PTPRZ1: variants seen among roughly 807,000 people sequenced by gnomAD.
The protein encoded by PTPRZ1 is protein tyrosine phosphatase receptor type Z1.
PTPRZ1 carries 82 observed loss-of-function variants against 214.1 expected under a neutral mutation model. That is an observed-to-expected ratio of 0.38 (90% confidence interval 0.32 to 0.46). The LOEUF is 0.46. Ranked by LOEUF, PTPRZ1 falls within the 20% of genes least tolerant of loss-of-function variation. The pLI is 1.00. For missense variants in PTPRZ1, 2,603 were observed against 2,748.7 expected (o/e 0.95, Z 1.19); for synonymous variants, 945 against 987.9 (o/e 0.96, Z 0.81).
chr7:121,999,901 CTT>C (rs942665672), intron 10 of PTPRZ1, among the ~76,000 whole-genome samples: 4 of 151,944 alleles, frequency 2.6e-5, no homozygotes, highest in Admixed American at 1.3e-4. Flanking sequence ...ATTATTAAAA[CTT>C]AAAATTTCTA....
At chr7:121,933,248 C>A (rs903811132) in intron 2 of PTPRZ1, among the ~76,000 whole-genome samples, 4 of 151,052 alleles carry the variant, frequency 2.6e-5, no homozygotes, top group African/African-American at 9.7e-5. Flanking sequence ...TAAAAATCTT[C>A]TTTTCGAGTT....
intron 1 of PTPRZ1, among the ~76,000 whole-genome samples, chr7:121,903,028 A>G (rs531411140): frequency 1.2e-4 from 18 of 152,274 alleles, no homozygotes; most frequent in African/African-American, 4.3e-4. Context: ...TGAAAGTTCT[A>G]TATATTTGTT....
intron 2 of PTPRZ1, among the ~76,000 whole-genome samples, chr7:121,939,063 A>G (rs962241821): frequency 3.3e-5 from 5 of 152,238 alleles, no homozygotes; most frequent in Admixed American, 1.3e-4. Context: ...TATATATTTG[A>G]TAGTTGTTAC....
At chr7:121,908,493 A>T (rs1328145430) in intron 1 of PTPRZ1, 1 of 373,492 alleles carries the variant, frequency 2.7e-6, no homozygotes, top group East Asian at 7.7e-5. Flanking sequence ...GTTTCTGCAT[A>T]AGATTTGTTT....
chr7:121,898,627 T>C (rs920174094), intron 1 of PTPRZ1, among the ~76,000 whole-genome samples: 5 of 152,208 alleles, frequency 3.3e-5, no homozygotes, highest in Non-Finnish European at 5.9e-5. Context: ...GGGAATTATC[T>C]TGAATATGTT....
At chr7:121,946,999 G>A (rs1049748417) in intron 2 of PTPRZ1, among the ~76,000 whole-genome samples, 1 of 152,152 alleles carries the variant, frequency 6.6e-6, no homozygotes, top group Non-Finnish European at 1.5e-5. Flanking sequence ...ATGTGTTACT[G>A]AATGGAAACT....
Position 122,011,725 on chromosome 7 carries a change from T to A in PTPRZ1, c.2679T>A (p.Gly893=), listed in dbSNP as rs748462805. 2 of 1,614,062 alleles carry A rather than the reference T, an allele frequency of 1.2e-6. No individual in the cohort carries two copies. Among genetic ancestry groups the A allele is most frequent in the African/African-American group, 2.7e-5 (2 of 74,922 alleles). The change falls in exon 12 of 30, where the codon GGT becomes GGA. Residue 893 remains glycine (G), a synonymous_variant. Coordinates refer to ENST00000393386, the MANE Select transcript of PTPRZ1 (RefSeq NM_002851.3). The part of the protein sequence containing the change: ...THAASETLEF[G]SESGVLYKTL... Reference sequence around the variant, plus strand: ...CTGCTTCAGAGACGCTGGAATTTGGTAGTGAATCTGGTGTTCTTTATAAAA... The same window carrying A: ...CTGCTTCAGAGACGCTGGAATTTGGAAGTGAATCTGGTGTTCTTTATAAAA...
chr7:121,926,257 A>G (rs1004820732), intron 1 of PTPRZ1, among the ~76,000 whole-genome samples: 2 of 149,642 alleles, frequency 1.3e-5, no homozygotes, highest in African/African-American at 5.0e-5. Context: ...GTGAGCTGAG[A>G]TCATGCCATT....
At chr7:121,930,115 T>C (rs1584650475) in intron 2 of PTPRZ1, among the ~76,000 whole-genome samples, 1 of 152,238 alleles carries the variant, frequency 6.6e-6, no homozygotes, top group Middle Eastern at 3.4e-3. Context: ...AATTAGAACC[T>C]GGAAAACAAT....
intron 2 of PTPRZ1, among the ~76,000 whole-genome samples, chr7:121,941,559 G>A (rs978381037): frequency 6.6e-6 from 1 of 152,124 alleles, no homozygotes; most frequent in Non-Finnish European, 1.5e-5. Flanking sequence ...TGCTTGTCCA[G>A]CATCTTCTAG....
chr7:121,911,969 A>T (rs1350218487), intron 1 of PTPRZ1, among the ~76,000 whole-genome samples: 1 of 151,916 alleles, frequency 6.6e-6, no homozygotes, highest in African/African-American at 2.4e-5. Flanking sequence ...ATAAAAGTAG[A>T]CCTGTTTTGA....
intron 8 of PTPRZ1, among the ~76,000 whole-genome samples, chr7:121,989,251 C>A (rs1030389585): frequency 3.9e-5 from 6 of 152,082 alleles, no homozygotes; most frequent in Admixed American, 3.9e-4. Flanking sequence ...CTGATTAGAC[C>A]CACAGAAATT....
chr7:121,913,579 G>A (rs1055169691), intron 1 of PTPRZ1, among the ~76,000 whole-genome samples: 13 of 152,232 alleles, frequency 8.5e-5, no homozygotes, highest in African/African-American at 3.1e-4. Flanking sequence ...TCAGCAAATA[G>A]GTAGTTGATA....
Position 122,019,246 on chromosome 7 carries a change from G to A in PTPRZ1, c.4966G>A (p.Val1656Met). 1 of 1,612,230 alleles carries A rather than the reference G, an allele frequency of 6.2e-7. No homozygotes were observed. The highest frequency in any genetic ancestry group is 8.5e-7 in the Non-Finnish European group (1 of 1,178,878). ...ALTFICLVVL[V>M]GILIYWRKCF... The stretch of plus-strand genomic sequence containing the variant: ...GACTTTTATCTGTCTAGTGGTTCTT[G>A]TGGGTATTCTCATCTACTGGAGGTA... The change falls in exon 13 of 30, where the codon GTG becomes ATG. Residue 1656 changes from valine to methionine, a missense_variant. Physicochemically the swap from Val to Met is conservative, Grantham distance 21 (BLOSUM62 1). Coordinates refer to ENST00000393386, the MANE Select transcript of PTPRZ1 (RefSeq NM_002851.3).
At chr7:121,968,574 G>T (rs1042452888) in intron 3 of PTPRZ1, among the ~76,000 whole-genome samples, 6 of 150,418 alleles carry the variant, frequency 4.0e-5, no homozygotes, top group African/African-American at 1.2e-4. Flanking sequence ...TATATAGAAG[G>T]TTTAAAGTTG....
At chr7:122,036,175 G>T (rs533134687) in intron 17 of PTPRZ1, among the ~76,000 whole-genome samples, 60 of 152,012 alleles carry the variant, frequency 3.9e-4, no homozygotes, top group Non-Finnish European at 7.6e-4. Flanking sequence ...CTAGCTTTGT[G>T]AGCCTCCCCA....
intron 2 of PTPRZ1, among the ~76,000 whole-genome samples, chr7:121,936,048 AT>A (rs1436149977): frequency 1.3e-5 from 2 of 152,214 alleles, no homozygotes; most frequent in Admixed American, 6.5e-5. Flanking sequence ...TGCCATTATA[AT>A]AATTTTATGT....
chr7:122,054,883 C>A, intron 26 of PTPRZ1, 58 bp from the exon 27 acceptor site: 2 of 1,453,558 alleles, frequency 1.4e-6, no homozygotes, highest in South Asian at 1.4e-5. Flanking sequence ...ATTTCACAAT[C>A]TGACTTATTG....
intron 2 of PTPRZ1, among the ~76,000 whole-genome samples, chr7:121,941,730 A>T (rs1173353895): frequency 6.6e-6 from 1 of 151,994 alleles, no homozygotes; most frequent in African/African-American, 2.4e-5. Flanking sequence ...TGGTCCTTTT[A>T]TGTATCTGAG....
Sources: allele counts gnomAD v4.1 joint callset (sites outside exome capture counted in the v4.1 genomes callset), GRCh38; gene constraint gnomAD v4.1.1; transcripts MANE v1.5; gene names NCBI Gene and HGNC (gene_info 2026-07-23, HGNC 2026-07-21).